Variants in SLC24A3 observed in about 807,000 individuals in gnomAD.
The protein encoded by SLC24A3 is solute carrier family 24 member 3.
In SLC24A3, 28 loss-of-function variants were observed where a neutral mutation model predicts 75.8. That is an observed-to-expected ratio of 0.37 (90% confidence interval 0.27 to 0.51). The LOEUF is 0.51. SLC24A3 is among the 20% of genes least tolerant of loss of function. The probability of loss-of-function intolerance (pLI) is 0.94; values close to 1 mark genes in which losing one functional copy is unlikely to be tolerated. For missense variants in SLC24A3, 663 were observed against 847.8 expected, an observed-to-expected ratio of 0.78 and a Z score of 2.71; for synonymous variants, 372 against 334.1, an observed-to-expected ratio of 1.11 and a Z score of -1.24.
At chr20:19,258,834 G>A (rs1243550533) in intron 1 of SLC24A3, among the ~76,000 whole-genome samples, 1 of 152,130 alleles carries the variant, frequency 6.6e-6, no homozygotes, top group African/African-American at 2.4e-5. Flanking sequence ...GTGCAGGGTC[G>A]ATCAAGCACA....
At chr20:19,329,544 A>G (rs1003848128) in intron 2 of SLC24A3, among the ~76,000 whole-genome samples, 4 of 152,220 alleles carry the variant, frequency 2.6e-5, no homozygotes, top group Non-Finnish European at 4.4e-5. Flanking sequence ...AGTTTGTCAC[A>G]TTACTTTGGT....
intron 2 of SLC24A3, among the ~76,000 whole-genome samples, chr20:19,447,697 G>T (rs1987410832): frequency 6.6e-6 from 1 of 152,130 alleles, no homozygotes. Context: ...CATCTTGATG[G>T]GGTGCGATGA....
intron 2 of SLC24A3, among the ~76,000 whole-genome samples, chr20:19,314,517 G>C (rs948582998): frequency 5.9e-5 from 9 of 151,950 alleles, no homozygotes; most frequent in Non-Finnish European, 1.0e-4. Context: ...GTTTCACCAT[G>C]TTACCTAGGC....
At chr20:19,653,548 A>C (rs2032231421) in intron 6 of SLC24A3, among the ~76,000 whole-genome samples, 1 of 152,204 alleles carries the variant, frequency 6.6e-6, no homozygotes, top group African/African-American at 2.4e-5. Flanking sequence ...ACGGGGCAAG[A>C]CAGGCTGTAG....
chr20:19,317,063 T>C (rs903691873), intron 2 of SLC24A3, among the ~76,000 whole-genome samples: 1 of 151,972 alleles, frequency 6.6e-6, no homozygotes, highest in Non-Finnish European at 1.5e-5. Context: ...AAACAAGCAA[T>C]GGGGAAAGGA....
At chr20:19,659,346 G>A (rs1012069555) in intron 7 of SLC24A3, among the ~76,000 whole-genome samples, 5 of 152,200 alleles carry the variant, frequency 3.3e-5, no homozygotes, top group Non-Finnish European at 7.3e-5. Flanking sequence ...ATATGAGAGA[G>A]TTCAGCTGAT....
intron 1 of SLC24A3, among the ~76,000 whole-genome samples, chr20:19,260,777 G>C (rs1275464599): frequency 2.6e-5 from 4 of 152,166 alleles, no homozygotes; most frequent in Admixed American, 2.6e-4. Context: ...ATTGCTGTAG[G>C]CATCATTCTC....
At chr20:19,489,706 G>T (rs1467981585) in intron 2 of SLC24A3, among the ~76,000 whole-genome samples, 1 of 152,134 alleles carries the variant, frequency 6.6e-6, no homozygotes, top group Non-Finnish European at 1.5e-5. Flanking sequence ...CTTCCTAGTG[G>T]CCCTGAGGAT....
intron 3 of SLC24A3, among the ~76,000 whole-genome samples, chr20:19,558,695 G>A (rs533178440): frequency 1.3e-5 from 2 of 152,132 alleles, no homozygotes; most frequent in African/African-American, 4.8e-5. Flanking sequence ...CCACAGTGAC[G>A]TTGTACAGCT....
chr20:19,264,970 C>A (rs1253013021), intron 1 of SLC24A3, among the ~76,000 whole-genome samples: 2 of 152,190 alleles, frequency 1.3e-5, no homozygotes, highest in African/African-American at 4.8e-5. Flanking sequence ...GTCTTGCTTT[C>A]CACTTTCTTT....
At chr20:19,545,116 T>C (rs1331408848) in intron 3 of SLC24A3, among the ~76,000 whole-genome samples, 1 of 152,160 alleles carries the variant, frequency 6.6e-6, no homozygotes, top group African/African-American at 2.4e-5. Flanking sequence ...TTTACTAGGC[T>C]CCAAGTGGTG....
At chr20:19,394,546 A>G (rs1242028181) in intron 2 of SLC24A3, among the ~76,000 whole-genome samples, 4 of 152,194 alleles carry the variant, frequency 2.6e-5, no homozygotes, top group African/African-American at 4.8e-5. Context: ...AAAACTCAAT[A>G]AAGGACTTGA....
At chr20:19,598,532 G>A (rs2031480282) in intron 6 of SLC24A3, among the ~76,000 whole-genome samples, 1 of 152,050 alleles carries the variant, frequency 6.6e-6, no homozygotes, top group Non-Finnish European at 1.5e-5. Flanking sequence ...ATATACCTGA[G>A]TGCCATTGCC....
chr20:19,280,022 A>T (rs1259313510), intron 1 of SLC24A3, among the ~76,000 whole-genome samples: 1 of 152,176 alleles, frequency 6.6e-6, no homozygotes, highest in African/African-American at 2.4e-5. Context: ...TGGTACTGTA[A>T]TCTTAATGCT....
intron 6 of SLC24A3, among the ~76,000 whole-genome samples, chr20:19,646,001 G>C (rs1041118431): frequency 1.3e-5 from 2 of 152,304 alleles, no homozygotes; most frequent in Middle Eastern, 3.4e-3. Flanking sequence ...GCTGCAGTGA[G>C]CCAAGATTGC....
intron 6 of SLC24A3, among the ~76,000 whole-genome samples, chr20:19,648,773 A>G (rs967289596): frequency 1.3e-5 from 2 of 152,204 alleles, no homozygotes; most frequent in African/African-American, 2.4e-5. Flanking sequence ...GCATTATGCC[A>G]CTCTGAAACT....
chr20:19,388,348 C>A lies in SLC24A3; in HGVS notation c.271+107261C>A, dbSNP rs544390691. Among the ~76,000 whole-genome samples, 10 of 152,290 alleles carry A rather than the reference C, an allele frequency of 6.6e-5. No homozygotes were observed. In the South Asian group the frequency reaches 2.1e-3, roughly 32 times the overall value. On this transcript the variant is annotated intron_variant, in intron 2 of 16. Transcript: ENST00000328041. ...GTCTTCATGAATTTACCCCCTTTATCATTATATAATGACCTTTTTTGTCTC... is the reference window on the plus strand; with the variant it reads ...GTCTTCATGAATTTACCCCCTTTATAATTATATAATGACCTTTTTTGTCTC...
intron 1 of SLC24A3, among the ~76,000 whole-genome samples, chr20:19,255,284 G>T (rs1033978094): frequency 3.9e-5 from 6 of 152,202 alleles, no homozygotes; most frequent in African/African-American, 1.4e-4. Context: ...CCTGTCAGTG[G>T]TGGCTGCTGT....
At chr20:19,677,866 T>A (rs1317249642) in intron 9 of SLC24A3, among the ~76,000 whole-genome samples, 2 of 151,962 alleles carry the variant, frequency 1.3e-5, no homozygotes, top group Non-Finnish European at 2.9e-5. Flanking sequence ...TTCCGCAGTG[T>A]TTGCCTCCCT....
Sources: gnomAD v4.1 joint callset for allele counts (sites outside exome capture counted in the v4.1 genomes callset) on GRCh38, gnomAD v4.1.1 for gene constraint, MANE v1.5 for transcripts, NCBI Gene and HGNC (gene_info 2026-07-23, HGNC 2026-07-21) for gene names.